Variants in PROS1 observed in about 807,000 individuals in gnomAD.
PROS1 encodes the protein protein S.
PROS1 carries 29 observed loss-of-function variants against 75.9 expected under a neutral mutation model. The ratio of observed to expected loss-of-function variants is 0.38; its 90% CI spans 0.28 to 0.52. The LOEUF (loss-of-function observed/expected upper bound fraction) is 0.52, where lower values mean the gene tolerates loss of function less well. PROS1 is among the 20% of genes least tolerant of loss of function. The pLI, the probability that PROS1 is intolerant of heterozygous loss-of-function variation, is 0.83. For synonymous variants in PROS1, 245 were observed against 280.6 expected, an observed-to-expected ratio of 0.87 and a Z score of 1.27; for missense variants, 680 against 810.3, an observed-to-expected ratio of 0.84 and a Z score of 1.95.
At chr3:93,945,969 T>A (rs1044924874) in intron 1 of PROS1, among the ~76,000 whole-genome samples, 3 of 152,174 alleles carry the variant, frequency 2.0e-5, no homozygotes, top group Non-Finnish European at 4.4e-5. Context: ...AGTCTCAGGA[T>A]ACAAAATCAA....
intron 1 of PROS1, among the ~76,000 whole-genome samples, chr3:93,936,552 G>A (rs573644124): frequency 7.6e-4 from 115 of 152,216 alleles, no homozygotes; most frequent in African/African-American, 2.7e-3. Flanking sequence ...CCAAAGAAAG[G>A]CCATCTGAGT....
chr3:93,956,289 C>T (rs951336075), intron 1 of PROS1, among the ~76,000 whole-genome samples: 3 of 151,952 alleles, frequency 2.0e-5, no homozygotes, highest in Non-Finnish European at 2.9e-5. Flanking sequence ...TTATAAGGTG[C>T]AGCAATTTTA....
At chr3:93,957,886 C>G (rs911803577) in intron 1 of PROS1, among the ~76,000 whole-genome samples, 3 of 151,898 alleles carry the variant, frequency 2.0e-5, no homozygotes, top group African/African-American at 7.3e-5. Context: ...ATCAGGAGTT[C>G]GAGACCAGCC....
chr3:93,909,239 A>G (rs1233893105), intron 4 of PROS1, among the ~76,000 whole-genome samples: 1 of 151,996 alleles, frequency 6.6e-6, no homozygotes, highest in Non-Finnish European at 1.5e-5. Context: ...GGAGTCTGAG[A>G]CCAGCCTGGA....
At chr3:93,972,511 C>T (rs963026361) in intron 1 of PROS1, among the ~76,000 whole-genome samples, 4 of 152,122 alleles carry the variant, frequency 2.6e-5, no homozygotes, top group African/African-American at 9.7e-5. Context: ...GTTCTCACTC[C>T]TGTTCCAATC....
At chr3:93,945,264 C>T (rs1576208779) in intron 1 of PROS1, among the ~76,000 whole-genome samples, 2 of 152,244 alleles carry the variant, frequency 1.3e-5, no homozygotes, top group African/African-American at 4.8e-5. Flanking sequence ...TGAAACTATT[C>T]CAATCAATAG....
In PROS1 at chr3:93,881,373, G is replaced by A. The variant is rs1576174166; in HGVS notation, c.1493-2059C>T. Among the ~76,000 whole-genome samples the A allele has an allele frequency of 2.0e-5, 3 of 152,000 alleles. No homozygotes were observed. In the East Asian group the frequency reaches 5.8e-4, roughly 29 times the overall value. On this transcript the variant is annotated intron_variant, in intron 12 of 14. Coordinates refer to ENST00000394236, the MANE Select transcript of PROS1 (RefSeq NM_000313.4). ...TATAGACTACGAAAGATGGGAGGGT[G>A]GGAGGAGGGTAGGGGTTGAAAAATT...
At chr3:93,875,624 CTCTA>C (rs56899294) in intron 14 of PROS1, among the ~76,000 whole-genome samples, 54,467 of 147,882 alleles carry the variant, frequency 0.37, 10,053 homozygotes, top group East Asian at 0.46. Context: ...CACTACTTAC[CTCTA>C]TCTATCTATC....
rs1397472682 is a variant in PROS1, at chr3:93,894,193, G to C, written c.966-1071C>G. 2.6e-5 allele frequency among the ~76,000 whole-genome samples: 4 copies of C among 152,118 alleles called. No homozygotes were observed. In the East Asian group the frequency reaches 5.8e-4, roughly 22 times the overall value. Reference sequence around the variant, plus strand: ...ACCGCAATATAGTAAAATAGTAATAGTAATAGAGGCACCATTTGCAATGGG... The same window carrying C: ...ACCGCAATATAGTAAAATAGTAATACTAATAGAGGCACCATTTGCAATGGG... On this transcript the variant is annotated intron_variant, in intron 9 of 14. Coordinates refer to ENST00000394236, the MANE Select transcript of PROS1 (RefSeq NM_000313.4).
At chr3:93,935,876 C>T (rs1422692819) in intron 1 of PROS1, among the ~76,000 whole-genome samples, 2 of 146,498 alleles carry the variant, frequency 1.4e-5, no homozygotes, top group Admixed American at 1.4e-4. Context: ...TATCATTGGG[C>T]TAAGGAATCA....
chr3:93,956,589 C>CA (rs58358280), intron 1 of PROS1, among the ~76,000 whole-genome samples: 3 of 147,532 alleles, frequency 2.0e-5, no homozygotes, highest in Non-Finnish European at 4.5e-5. Flanking sequence ...CACACACACA[C>CA]GTTATCAGAA....
chr3:93,940,172 G>A (rs1233854975), intron 1 of PROS1, among the ~76,000 whole-genome samples: 2 of 152,184 alleles, frequency 1.3e-5, no homozygotes, highest in South Asian at 2.1e-4. Context: ...ACTGGAAATC[G>A]GACAGTCCAA....
intron 12 of PROS1, among the ~76,000 whole-genome samples, chr3:93,882,079 GA>G (rs1349878573): frequency 6.6e-6 from 1 of 152,008 alleles, no homozygotes; most frequent in African/African-American, 2.4e-5. Context: ...AGAAATTAGA[GA>G]AATAATATTA....
chr3:93,899,772 A>G (rs539138168), intron 7 of PROS1, among the ~76,000 whole-genome samples: 1 of 152,288 alleles, frequency 6.6e-6, no homozygotes, highest in South Asian at 2.1e-4. Context: ...ACCGCCATCA[A>G]GGTAACTAAT....
At chr3:93,940,058 T>A (rs1709258358) in intron 1 of PROS1, among the ~76,000 whole-genome samples, 1 of 152,192 alleles carries the variant, frequency 6.6e-6, no homozygotes, top group Non-Finnish European at 1.5e-5. Context: ...CAGGACCTCC[T>A]CCCCCAGGAT....
At chr3:93,947,462 G>A (rs1709422366) in intron 1 of PROS1, among the ~76,000 whole-genome samples, 1 of 152,142 alleles carries the variant, frequency 6.6e-6, no homozygotes, top group African/African-American at 2.4e-5. Context: ...CATGAGGGAA[G>A]GTTCCCTCTG....
intron 1 of PROS1, among the ~76,000 whole-genome samples, chr3:93,948,532 T>C (rs1709442032): frequency 6.6e-6 from 1 of 152,188 alleles, no homozygotes; most frequent in East Asian, 1.9e-4. Context: ...ATTATTATTG[T>C]GTGGGAGTCT....
intron 1 of PROS1, among the ~76,000 whole-genome samples, chr3:93,964,579 A>G (rs1270025911): frequency 6.6e-6 from 1 of 152,178 alleles, no homozygotes; most frequent in African/African-American, 2.4e-5. Context: ...TAAGATGTTT[A>G]TCAAGACAAT....
intron 12 of PROS1, among the ~76,000 whole-genome samples, chr3:93,883,689 G>C (rs1708306614): frequency 1.3e-5 from 2 of 151,968 alleles, no homozygotes. Context: ...AAAATCTGAG[G>C]CTGGGTGCGG....
Sources: gnomAD v4.1 joint callset for allele counts (sites outside exome capture counted in the v4.1 genomes callset) on GRCh38, gnomAD v4.1.1 for gene constraint, MANE v1.5 for transcripts, NCBI Gene and HGNC (gene_info 2026-07-23, HGNC 2026-07-21) for gene names.